LMBRD1: variants seen among roughly 807,000 people sequenced by gnomAD.
LMBRD1 encodes lysosomal cobalamin transport escort protein LMBD1.
Under a neutral mutation model 74.8 loss-of-function variants are expected in LMBRD1, and 64 were observed. The observed-to-expected ratio is 0.86, with a 90% CI of 0.70 to 1.05. The LOEUF is 1.05. Ranked by LOEUF, LMBRD1 falls within the 50% of genes least tolerant of loss-of-function variation. LMBRD1 has a pLI of 0.00. For missense variants in LMBRD1, 652 were observed against 645.9 expected (o/e 1.01, Z -0.10); for synonymous variants, 204 against 216.3 (o/e 0.94, Z 0.50).
rs1206207055 is a variant in LMBRD1 at position 69,719,017 on chromosome 6, C to A, written c.701G>T (p.Arg234Leu). The change falls in exon 8 of 16, where the codon CGT (arginine) becomes CTT (leucine). Residue 234 changes from arginine (R) to leucine (L), a missense_variant. Physicochemically the swap from Arg to Leu is moderately radical, Grantham distance 102. Coordinates refer to ENST00000649934, the MANE Select transcript of LMBRD1 (RefSeq NM_018368.4). ...TTCAATGTCTTCAGTGTTTTCCAAACGTTCATAAGCAGCGCTTCTAGTGCC... is the reference window on the plus strand; with the variant it reads ...TTCAATGTCTTCAGTGTTTTCCAAAAGTTCATAAGCAGCGCTTCTAGTGCC... ...IKGTRSAAYE[R>L]LENTEDIEEV... 2 of 1,612,940 alleles carry A rather than the reference C, an allele frequency of 1.2e-6. No homozygotes were observed. The highest frequency in any genetic ancestry group is 8.5e-7 in the Non-Finnish European group (1 of 1,179,284).
rs539539930 is a variant in LMBRD1, at chr6:69,709,406, C to T, written c.915+4239G>A. Among the ~76,000 whole-genome samples, 59 of 152,252 alleles carry T rather than the reference C, an allele frequency of 3.9e-4. No individual in the cohort carries two copies. The South Asian group carries it at 8.1e-3, about 21-fold the overall frequency. The stretch of plus-strand genomic sequence containing the variant: ...ACACATTAAACCCTCAATTACATAA[C>T]GATCAGTTTGTACCCCTAGAGATTC... On this transcript the variant is annotated intron_variant, in intron 9 of 15. Coordinates refer to ENST00000649934, the MANE Select transcript of LMBRD1 (RefSeq NM_018368.4).
intron 14 of LMBRD1, among the ~76,000 whole-genome samples, chr6:69,682,682 T>C (rs1319231600): frequency 6.6e-6 from 1 of 151,994 alleles, no homozygotes; most frequent in Non-Finnish European, 1.5e-5. Context: ...TATAAAGCAA[T>C]TGTCTTCTAT....
intron 5 of LMBRD1, among the ~76,000 whole-genome samples, chr6:69,743,933 T>C (rs1767162022): frequency 6.6e-6 from 1 of 152,176 alleles, no homozygotes; most frequent in Non-Finnish European, 1.5e-5. Flanking sequence ...TAAACCACTG[T>C]TCATTGACCA....
intron 3 of LMBRD1, among the ~76,000 whole-genome samples, chr6:69,755,223 A>G (rs1765242658): frequency 6.6e-6 from 1 of 152,236 alleles, no homozygotes; most frequent in Non-Finnish European, 1.5e-5. Flanking sequence ...AATGTGGCAC[A>G]TATACACCAT....
intron 3 of LMBRD1, among the ~76,000 whole-genome samples, chr6:69,767,549 T>C (rs1765496867): frequency 1.3e-5 from 2 of 151,872 alleles, no homozygotes; most frequent in African/African-American, 4.8e-5. Flanking sequence ...TACATTATGA[T>C]TGGAAAATGC....
At position 69,674,076 on chromosome 6, in the gene LMBRD1, G is replaced by C. The variant is rs893920640; in HGVS notation, c.*2082C>G. 1.3e-5 allele frequency among the ~76,000 whole-genome samples: 2 copies of C among 152,128 alleles called. No individual in the cohort carries two copies. Among genetic ancestry groups the C allele is most frequent in the African/African-American group, 4.8e-5 (2 of 41,432 alleles). Reference sequence around the variant, plus strand: ...GCTGGAACCTCAAGATTAAAGGGTTGACAACACTGGATTCTCCTGAGGCCT... The same window carrying C: ...GCTGGAACCTCAAGATTAAAGGGTTCACAACACTGGATTCTCCTGAGGCCT... On this transcript the variant is annotated 3_prime_UTR_variant, in exon 16 of 16. Transcript: ENST00000649934.
chr6:69,753,329 T>C (rs1765203240), intron 3 of LMBRD1, among the ~76,000 whole-genome samples: 1 of 152,200 alleles, frequency 6.6e-6, no homozygotes, highest in Admixed American at 6.5e-5. Context: ...AGTATAATTA[T>C]ATAAAGCAAT....
chr6:69,762,681 C>T (rs1225652830), intron 3 of LMBRD1, among the ~76,000 whole-genome samples: 1 of 151,962 alleles, frequency 6.6e-6, no homozygotes, highest in East Asian at 1.9e-4. Flanking sequence ...GAGGTGGGGT[C>T]TTTGGGGGGT....
intron 7 of LMBRD1, among the ~76,000 whole-genome samples, chr6:69,737,692 A>T (rs1767006120): frequency 6.6e-6 from 1 of 151,394 alleles, no homozygotes; most frequent in Non-Finnish European, 1.5e-5. Context: ...AGCATAGATT[A>T]TTATAACAGT....
At chr6:69,716,147 T>A (rs749570631) in intron 8 of LMBRD1, among the ~76,000 whole-genome samples, 3 of 152,224 alleles carry the variant, frequency 2.0e-5, no homozygotes, top group Non-Finnish European at 4.4e-5. Flanking sequence ...ATAGGATTGC[T>A]GGGGTTGGAT....
At chr6:69,712,473 A>C (rs1446918863) in intron 9 of LMBRD1, among the ~76,000 whole-genome samples, 3 of 151,888 alleles carry the variant, frequency 2.0e-5, no homozygotes, top group Non-Finnish European at 4.4e-5. Flanking sequence ...TGTTTCTCAC[A>C]GTTTTAACAA....
At position 69,784,564 on chromosome 6, in the gene LMBRD1, C is replaced by A. The variant is rs572114961; in HGVS notation, c.247-4010G>T. Among the ~76,000 whole-genome samples the A allele has an allele frequency of 4.7e-4, 71 of 152,300 alleles. 1 individual carries two copies. The Middle Eastern group carries it at 0.01, about 22-fold the overall frequency. ...GGTCAAGGACGCCACTAAACACCTA[C>A]AATTCACAGGGCAGGCCCCCATAAC... On this transcript the variant is annotated intron_variant, in intron 2 of 15. Coordinates refer to ENST00000649934, the MANE Select transcript of LMBRD1 (RefSeq NM_018368.4).
chr6:69,699,505 T>C (rs1024651050), intron 12 of LMBRD1, among the ~76,000 whole-genome samples: 6 of 151,660 alleles, frequency 4.0e-5, no homozygotes, highest in African/African-American at 7.3e-5. Context: ...TAATATACTA[T>C]GGTTTTATAT....
chr6:69,708,491 G>T (rs1345110605), intron 9 of LMBRD1, among the ~76,000 whole-genome samples: 2 of 152,008 alleles, frequency 1.3e-5, no homozygotes, highest in African/African-American at 4.8e-5. Flanking sequence ...GAAAAGTGAG[G>T]TTCAAAAAGC....
At chr6:69,717,215 AGTTT>A (rs1347410595) in intron 8 of LMBRD1, among the ~76,000 whole-genome samples, 2 of 152,098 alleles carry the variant, frequency 1.3e-5, no homozygotes, top group African/African-American at 4.8e-5. Context: ...TAGTTCTACT[AGTTT>A]GTCAGTTGAT....
intron 13 of LMBRD1, among the ~76,000 whole-genome samples, chr6:69,697,928 C>T (rs560115203): frequency 2.0e-5 from 3 of 152,132 alleles, no homozygotes; most frequent in South Asian, 2.1e-4. Flanking sequence ...GAAAGGAATG[C>T]TATTTTCAGA....
At position 69,708,767 on chromosome 6, in the gene LMBRD1, G is replaced by A. The variant is rs192226385; in HGVS notation, c.915+4878C>T. On this transcript the variant is annotated intron_variant, in intron 9 of 15. Transcript: ENST00000649934. ...ACATGAATTATAGTAGAGAATAAAA[G>A]GTAACACTGGCACAAAATTTTGAGA... Among the ~76,000 whole-genome samples the A allele has an allele frequency of 1.4e-3, 218 of 152,078 alleles. 2 individuals are homozygous for A. The highest frequency in any genetic ancestry group is 3.4e-3 in the Middle Eastern group (1 of 294).
intron 9 of LMBRD1, among the ~76,000 whole-genome samples, chr6:69,707,130 G>A (rs551608994): frequency 2.0e-5 from 3 of 152,242 alleles, no homozygotes; most frequent in African/African-American, 4.8e-5. Flanking sequence ...ACATCTCTCC[G>A]TTTCTTAAGG....
At chr6:69,680,609 G>T (rs1240955933) in intron 14 of LMBRD1, among the ~76,000 whole-genome samples, 2 of 151,932 alleles carry the variant, frequency 1.3e-5, no homozygotes, top group Non-Finnish European at 2.9e-5. Flanking sequence ...TGTGGACTTT[G>T]ACAGAAGCCT....
Sources: gnomAD v4.1 joint callset for allele counts (sites outside exome capture counted in the v4.1 genomes callset) on GRCh38, gnomAD v4.1.1 for gene constraint, MANE v1.5 for transcripts, NCBI Gene and HGNC (gene_info 2026-07-23, HGNC 2026-07-21) for gene names.